The following SLC35F4 variants were observed in gnomAD, a reference collection of about 807,000 sequenced individuals.
SLC35F4 encodes solute carrier family 35 member F4, also known as chromosome 14 open reading frame 36.
Under a neutral mutation model 44.2 loss-of-function variants are expected in SLC35F4, and 24 were observed. That is an observed-to-expected ratio of 0.54 (90% CI 0.39 to 0.76). The LOEUF (loss-of-function observed/expected upper bound fraction) is 0.76. Ranked by LOEUF, SLC35F4 falls within the 30% of genes least tolerant of loss-of-function variation. The pLI is 0.00. For missense variants in SLC35F4, 562 were observed against 586.1 expected (o/e 0.96, Z 0.42); for synonymous variants, 238 against 223.6 (o/e 1.06, Z -0.57).
chr14:57,945,167 CTGTT>C (rs1365968442), intron 1 of SLC35F4, among the ~76,000 whole-genome samples: 1 of 152,150 alleles, frequency 6.6e-6, no homozygotes. Flanking sequence ...AAGAGCCTCT[CTGTT>C]TGTTATTTAG....
At chr14:57,579,635 A>G (rs2139793571) in intron 4 of SLC35F4, 1 of 152,318 alleles carries the variant, frequency 6.6e-6, no homozygotes, top group East Asian at 1.9e-4. Flanking sequence ...TGGGTGGTCC[A>G]TGATAGTGAA....
chr14:57,744,275 G>A (rs980593985), intron 1 of SLC35F4, among the ~76,000 whole-genome samples: 2 of 152,160 alleles, frequency 1.3e-5, no homozygotes, highest in African/African-American at 4.8e-5. Flanking sequence ...AGGAAAAGAG[G>A]AAGTCAAATT....
chr14:57,877,168 C>T (rs1322597164), intron 1 of SLC35F4, among the ~76,000 whole-genome samples: 1 of 152,174 alleles, frequency 6.6e-6, no homozygotes, highest in Non-Finnish European at 1.5e-5. Flanking sequence ...CCACCGTCCA[C>T]TCTCAAGCAG....
intron 1 of SLC35F4, among the ~76,000 whole-genome samples, chr14:57,733,629 A>T (rs1214444199): frequency 6.6e-6 from 1 of 152,100 alleles, no homozygotes; most frequent in Non-Finnish European, 1.5e-5. Context: ...TGATGTATGG[A>T]TAGCATTAAA....
chr14:57,872,128 G>A (rs546719580), intron 1 of SLC35F4, among the ~76,000 whole-genome samples: 30 of 152,244 alleles, frequency 2.0e-4, no homozygotes, highest in East Asian at 5.8e-4. Context: ...CAGAATACAC[G>A]TTCAATACAT....
At chr14:57,691,758 T>C (rs1367992762) in intron 1 of SLC35F4, among the ~76,000 whole-genome samples, 1 of 152,200 alleles carries the variant, frequency 6.6e-6, no homozygotes, top group East Asian at 1.9e-4. Flanking sequence ...AAGAAGGCCC[T>C]TCTCTTAAAA....
intron 1 of SLC35F4, among the ~76,000 whole-genome samples, chr14:57,616,710 T>G (rs1181855113): frequency 6.6e-6 from 1 of 152,200 alleles, no homozygotes; most frequent in Non-Finnish European, 1.5e-5. Context: ...TCCCTTTACT[T>G]GTTGCTTTGG....
chr14:57,636,514 A>C (rs1469152427), intron 1 of SLC35F4, among the ~76,000 whole-genome samples: 1 of 152,124 alleles, frequency 6.6e-6, no homozygotes, highest in African/African-American at 2.4e-5. Flanking sequence ...ACAGGTGAGA[A>C]AAGCAAAGCT....
intron 1 of SLC35F4, among the ~76,000 whole-genome samples, chr14:57,632,701 T>C (rs1284548872): frequency 6.6e-6 from 1 of 152,050 alleles, no homozygotes; most frequent in Middle Eastern, 3.2e-3. Context: ...GTGTCATACC[T>C]TCTATGGGTT....
In SLC35F4 at chr14:57,571,928, G is replaced by A. The variant is rs771358472; in HGVS notation, c.899C>T (p.Ala300Val). 1.5e-5 allele frequency: 24 copies of A among 1,612,154 alleles called. No homozygotes were observed. The highest frequency in any genetic ancestry group is 1.2e-4 in the African/African-American group (9 of 74,876). ...TGCAGATGTAGAGGCTGAGCCCACCGCAAATGCCACTCCTATGATGGAATC... is the reference window on the plus strand; with the variant it reads ...TGCAGATGTAGAGGCTGAGCCCACCACAAATGCCACTCCTATGATGGAATC... ...HADSIIGVAF[A>V]VGSASTSALY... is the part of the protein sequence containing the mutation. The change falls in exon 5 of 8, where the codon GCG becomes GTG. Residue 300 changes from alanine to valine, a missense_variant. Ala to Val is a moderately conservative substitution (Grantham distance 64). Coordinates refer to ENST00000556826, the MANE Select transcript of SLC35F4 (RefSeq NM_001306087.2).
intron 1 of SLC35F4, among the ~76,000 whole-genome samples, chr14:57,936,075 T>C (rs899232131): frequency 6.6e-6 from 1 of 152,202 alleles, no homozygotes; most frequent in Admixed American, 6.5e-5. Flanking sequence ...AATTTAAGCC[T>C]TCTCATTTTT....
intron 1 of SLC35F4, among the ~76,000 whole-genome samples, chr14:57,724,212 C>A (rs528367298): frequency 3.3e-5 from 5 of 152,254 alleles, no homozygotes; most frequent in Middle Eastern, 6.8e-3. Context: ...AGCTGCTCTG[C>A]CACTTGGGCC....
chr14:57,944,731 GAA>G (rs1224059801), intron 1 of SLC35F4, among the ~76,000 whole-genome samples: 1 of 119,904 alleles, frequency 8.3e-6, no homozygotes. Flanking sequence ...AAGAAAGAAA[GAA>G]AGAAAGAAAG....
rs970968368 is a variant in SLC35F4 at position 57,584,113 on chromosome 14, C to T, written c.588-2680G>A. 8.5e-5 allele frequency among the ~76,000 whole-genome samples: 13 copies of T among 152,228 alleles called. No individual in the cohort carries two copies. In the East Asian group the frequency reaches 1.4e-3, roughly 16 times the overall value. On this transcript the variant is annotated intron_variant, in intron 3 of 7. Transcript: ENST00000556826. ...ATATGTCTTTGGCTCCAGTTTGATG[C>T]TATCTAAGATTTTTCCCCTAAGAAA...
intron 1 of SLC35F4, among the ~76,000 whole-genome samples, chr14:57,695,042 T>C (rs891098832): frequency 6.6e-6 from 1 of 152,230 alleles, no homozygotes; most frequent in African/African-American, 2.4e-5. Context: ...AAGACTTAAA[T>C]GTTAGACCTA....
At chr14:57,599,668 C>T (rs962283918) in intron 1 of SLC35F4, among the ~76,000 whole-genome samples, 1 of 151,908 alleles carries the variant, frequency 6.6e-6, no homozygotes, top group Non-Finnish European at 1.5e-5. Context: ...ATGATGAAAC[C>T]CCGTCTCTAC....
At chr14:57,706,206 C>A (rs1207173292) in intron 1 of SLC35F4, among the ~76,000 whole-genome samples, 1 of 152,076 alleles carries the variant, frequency 6.6e-6, no homozygotes, top group Non-Finnish European at 1.5e-5. Flanking sequence ...ATGTCTGTGT[C>A]CATCTATGTA....
At chr14:57,856,029 T>A (rs373655258) in intron 1 of SLC35F4, among the ~76,000 whole-genome samples, 1 of 151,864 alleles carries the variant, frequency 6.6e-6, no homozygotes, top group African/African-American at 2.4e-5. Context: ...TCACACACTG[T>A]CGGGGGTTGC....
intron 1 of SLC35F4, among the ~76,000 whole-genome samples, chr14:57,772,701 A>G (rs897670517): frequency 3.9e-5 from 6 of 152,208 alleles, no homozygotes; most frequent in Non-Finnish European, 1.5e-5. Context: ...ATGATATTTC[A>G]TGGCTGCATA....
Sources: allele counts gnomAD v4.1 joint callset (sites outside exome capture counted in the v4.1 genomes callset), GRCh38; gene constraint gnomAD v4.1.1; transcripts MANE v1.5; gene names NCBI Gene and HGNC (gene_info 2026-07-23, HGNC 2026-07-21).